FHIT: variants seen among roughly 807,000 people sequenced by gnomAD.
The protein encoded by FHIT is bis(5'-adenosyl)-triphosphatase.
FHIT carries 19 observed loss-of-function variants against 17.9 expected under a neutral mutation model. That is an observed-to-expected ratio of 1.06 (90% CI 0.74 to 1.56). The LOEUF is 1.56. FHIT is among the 40% of genes most tolerant of loss of function. The probability of loss-of-function intolerance (pLI) is 0.00; values close to 1 mark genes in which losing one functional copy is unlikely to be tolerated. For synonymous variants in FHIT, 81 were observed against 69.7 expected (o/e 1.16, Z -0.81); for missense variants, 248 against 189.2 (o/e 1.31, Z -1.82).
intron 4 of FHIT, among the ~76,000 whole-genome samples, chr3:60,567,108 A>T (rs1486270000): frequency 8.6e-5 from 13 of 151,518 alleles, no homozygotes; most frequent in Non-Finnish European, 1.5e-4. Flanking sequence ...GGAAAAAACT[A>T]CTTTAAAGTT....
intron 3 of FHIT, among the ~76,000 whole-genome samples, chr3:60,866,002 A>G (rs533462765): frequency 6.6e-6 from 1 of 152,106 alleles, no homozygotes; most frequent in Non-Finnish European, 1.5e-5. Context: ...GACTCGGGGA[A>G]GCATTCAACA....
intron 4 of FHIT, among the ~76,000 whole-genome samples, chr3:60,773,747 A>G (rs1323553459): frequency 6.6e-6 from 1 of 152,262 alleles, no homozygotes; most frequent in Non-Finnish European, 1.5e-5. Context: ...TCACTTGGGA[A>G]CTAGATTACA....
chr3:59,755,596 T>C (rs1490794595), intron 8 of FHIT, among the ~76,000 whole-genome samples: 2 of 152,234 alleles, frequency 1.3e-5, no homozygotes, highest in Admixed American at 6.5e-5. Context: ...GGGCGGTGAC[T>C]ACTTGTTAAC....
At chr3:60,105,550 CAT>C (rs1704372384) in intron 5 of FHIT, among the ~76,000 whole-genome samples, 2 of 152,144 alleles carry the variant, frequency 1.3e-5, no homozygotes, top group Admixed American at 6.5e-5. Flanking sequence ...CAGGGTGAAA[CAT>C]ATAAGAATAT....
At chr3:61,013,021 T>G (rs1186280586) in intron 3 of FHIT, among the ~76,000 whole-genome samples, 1 of 152,118 alleles carries the variant, frequency 6.6e-6, no homozygotes, top group African/African-American at 2.4e-5. Context: ...AGTATTTAGA[T>G]TCCAAACGGA....
chr3:60,240,254 AG>A (rs1275216787), intron 5 of FHIT, among the ~76,000 whole-genome samples: 1 of 152,162 alleles, frequency 6.6e-6, no homozygotes, highest in Non-Finnish European at 1.5e-5. Flanking sequence ...TCAGAGCATT[AG>A]TAGGAGAGAA....
Position 60,749,439 on chromosome 3 carries a change from T to C in FHIT, c.-18+72480A>G, listed in dbSNP as rs576499177. Among the ~76,000 whole-genome samples the C allele has an allele frequency of 1.1e-4, 17 of 152,238 alleles. 2 individuals carry two copies. In the South Asian group the frequency reaches 3.5e-3, roughly 32 times the overall value. On this transcript the variant is annotated intron_variant, in intron 4 of 9. Transcript: ENST00000492590. ...CACAACTCTCCAGCTCCAAAGGCAC[T>C]GATGTCTGGGATGGAGGGAAAGGGT...
intron 5 of FHIT, among the ~76,000 whole-genome samples, chr3:60,121,713 C>CAAAACAAAA (rs1559651189): frequency 4.4e-5 from 4 of 90,920 alleles, no homozygotes; most frequent in East Asian, 5.5e-4. Flanking sequence ...AAAACAAACA[C>CAAAACAAAA]ACACACACAC....
At chr3:61,049,052 T>A (rs1019873533) in intron 2 of FHIT, among the ~76,000 whole-genome samples, 3 of 151,658 alleles carry the variant, frequency 2.0e-5, no homozygotes, top group African/African-American at 4.8e-5. Context: ...GTGCAGCACA[T>A]CAACATGGTA....
At chr3:60,770,678 T>C (rs974605545) in intron 4 of FHIT, among the ~76,000 whole-genome samples, 2 of 152,224 alleles carry the variant, frequency 1.3e-5, no homozygotes, top group Non-Finnish European at 2.9e-5. Context: ...AAGTAGATGG[T>C]GACAATTGCC....
At chr3:60,238,143 C>CAAAAAAAAAA (rs5849346) in intron 5 of FHIT, among the ~76,000 whole-genome samples, 1 of 111,820 alleles carries the variant, frequency 8.9e-6, no homozygotes, top group Non-Finnish European at 1.7e-5. Flanking sequence ...GACTCCGTCT[C>CAAAAAAAAAA]AAAAAAAAAA....
intron 2 of FHIT, among the ~76,000 whole-genome samples, chr3:61,128,524 T>C (rs2036674806): frequency 6.6e-6 from 1 of 152,188 alleles, no homozygotes; most frequent in African/African-American, 2.4e-5. Context: ...TTCCGTCAGC[T>C]ACACAGTCTT....
chr3:59,947,341 T>TG (rs1168249685), intron 7 of FHIT, among the ~76,000 whole-genome samples: 1 of 152,182 alleles, frequency 6.6e-6, no homozygotes, highest in African/African-American at 2.4e-5. Flanking sequence ...TTGGTATTTC[T>TG]GGGGGGTTGG....
At chr3:60,045,130 G>T (rs1210787311) in intron 5 of FHIT, among the ~76,000 whole-genome samples, 1 of 152,140 alleles carries the variant, frequency 6.6e-6, no homozygotes, top group Non-Finnish European at 1.5e-5. Context: ...GAGTTCTGAA[G>T]ATCTGTTGCA....
intron 4 of FHIT, among the ~76,000 whole-genome samples, chr3:60,569,769 T>TTTA (rs1232418692): frequency 2.4e-5 from 2 of 83,962 alleles, no homozygotes; most frequent in African/African-American, 1.1e-4. Context: ...TTTTTTTTTT[T>TTTA]AGACAGAGTT....
chr3:59,816,614 C>G (rs199625208), intron 8 of FHIT, among the ~76,000 whole-genome samples: 1 of 152,020 alleles, frequency 6.6e-6, no homozygotes, highest in Non-Finnish European at 1.5e-5. Flanking sequence ...GAAAGTGGAG[C>G]ATGAACTCAC....
chr3:59,966,348 T>C lies in FHIT; in HGVS notation c.280-43934A>G, dbSNP rs564897147. On this transcript the variant is annotated intron_variant, in intron 7 of 9. Coordinates refer to ENST00000492590, the MANE Select transcript of FHIT (RefSeq NM_002012.4). ...AACCTGTGCAACTCACATATGGTTG[T>C]CCTGGATCTAAATACTGTATAAGAA... 2.7e-3 allele frequency among the ~76,000 whole-genome samples: 406 copies of C among 152,308 alleles called. 5 individuals are homozygous for C. The Middle Eastern group carries it at 0.075, about 28-fold the overall frequency.
intron 8 of FHIT, among the ~76,000 whole-genome samples, chr3:59,816,845 T>C (rs1700616863): frequency 6.6e-6 from 1 of 152,230 alleles, no homozygotes; most frequent in Non-Finnish European, 1.5e-5. Flanking sequence ...AAACATTTGC[T>C]GAATGAATCC....
chr3:60,875,922 CATGTGTGTGT>C (rs1384547689), intron 3 of FHIT, among the ~76,000 whole-genome samples: 5 of 61,158 alleles, frequency 8.2e-5, no homozygotes, highest in African/African-American at 2.0e-4. Context: ...AAAACTTATT[CATGTGTGTGT>C]GTGTGTGTGT....
Sources: gnomAD v4.1 joint callset for allele counts (sites outside exome capture counted in the v4.1 genomes callset) on GRCh38, gnomAD v4.1.1 for gene constraint, MANE v1.5 for transcripts, NCBI Gene and HGNC (gene_info 2026-07-23, HGNC 2026-07-21) for gene names.